The following CSNK1G3 variants were observed in gnomAD, a reference collection of about 807,000 sequenced individuals.
CSNK1G3 encodes the protein casein kinase I isoform gamma-3.
In CSNK1G3, 23 loss-of-function variants were observed where a neutral mutation model predicts 64.3. That is an observed-to-expected ratio of 0.36 (90% CI 0.26 to 0.51). CSNK1G3 has a LOEUF of 0.51. CSNK1G3 is among the 20% of genes least tolerant of loss of function. The pLI is 0.96. For missense variants in CSNK1G3, 357 were observed against 510.5 expected, an observed-to-expected ratio of 0.70 and a Z score of 2.90; for synonymous variants, 158 against 162.2, an observed-to-expected ratio of 0.97 and a Z score of 0.20.
intron 1 of CSNK1G3, among the ~76,000 whole-genome samples, chr5:123,526,217 T>A (rs566024993): frequency 7.3e-5 from 11 of 151,688 alleles, no homozygotes; most frequent in East Asian, 5.8e-4. Context: ...TAATTTAATT[T>A]ATTTATTATT....
chr5:123,611,621 T>A (rs978188559), intron 12 of CSNK1G3, among the ~76,000 whole-genome samples: 1 of 152,226 alleles, frequency 6.6e-6, no homozygotes, highest in Non-Finnish European at 1.5e-5. Context: ...GACTTTGTCT[T>A]GTTCATCAAA....
At chr5:123,578,328 G>A (rs1190990040) in intron 6 of CSNK1G3, among the ~76,000 whole-genome samples, 1 of 151,764 alleles carries the variant, frequency 6.6e-6, no homozygotes, top group Non-Finnish European at 1.5e-5. Context: ...AACATTTAGA[G>A]TTGTCAGTCT....
At chr5:123,580,973 T>C (rs1790127467) in intron 6 of CSNK1G3, among the ~76,000 whole-genome samples, 1 of 151,918 alleles carries the variant, frequency 6.6e-6, no homozygotes, top group African/African-American at 2.4e-5. Flanking sequence ...CACAGAATTA[T>C]GGTGTTCCAA....
At chr5:123,590,857 C>G (rs1792207048) in intron 9 of CSNK1G3, among the ~76,000 whole-genome samples, 1 of 151,934 alleles carries the variant, frequency 6.6e-6, no homozygotes, top group Admixed American at 6.6e-5. Flanking sequence ...TAATTTAATA[C>G]TTCAATCCCT....
intron 12 of CSNK1G3, among the ~76,000 whole-genome samples, chr5:123,608,617 G>T (rs1191833771): frequency 6.6e-6 from 1 of 152,010 alleles, no homozygotes; most frequent in East Asian, 1.9e-4. Flanking sequence ...GATTATTAAG[G>T]TATGTCAAAG....
chr5:123,549,007 T>G (rs1374688662), intron 2 of CSNK1G3, among the ~76,000 whole-genome samples: 1 of 152,262 alleles, frequency 6.6e-6, no homozygotes, highest in Admixed American at 6.5e-5. Flanking sequence ...CATAGAGAGA[T>G]AGTATCATAC....
intron 1 of CSNK1G3, among the ~76,000 whole-genome samples, chr5:123,515,071 T>C (rs1776908999): frequency 6.6e-6 from 1 of 152,224 alleles, no homozygotes; most frequent in African/African-American, 2.4e-5. Context: ...TTTCGTTAAA[T>C]TTCTTTATTT....
chr5:123,590,430 C>T (rs868190621), exon 9 of CSNK1G3: 14 of 1,471,070 alleles, frequency 9.5e-6, no homozygotes, highest in East Asian at 5.1e-5. Flanking sequence ...AACATATCTT[C>T]GTTATGTAAG....
Position 123,609,823 on chromosome 5 carries a change from T to G in CSNK1G3, c.1217+4461T>G, listed in dbSNP as rs186160255. Among the ~76,000 whole-genome samples, 21 of 152,266 alleles carry G rather than the reference T, an allele frequency of 1.4e-4. 1 individual carries two copies. The highest frequency in any genetic ancestry group is 4.8e-4 in the African/African-American group (20 of 41,550). ...GACTAAGAGGAGGGTGGAAATAGGT[T>G]GGGAACAAAATTCTTGAAGAGCTCT... On this transcript the variant is annotated intron_variant, in intron 12 of 12. Transcript: ENST00000345990.
At chr5:123,604,268 C>A (rs1469702630) in intron 10 of CSNK1G3, among the ~76,000 whole-genome samples, 2 of 151,966 alleles carry the variant, frequency 1.3e-5, no homozygotes, top group Non-Finnish European at 2.9e-5. Context: ...TTTAAATGGG[C>A]AGTTTGAAAT....
chr5:123,530,454 G>A (rs1779744527), intron 1 of CSNK1G3, among the ~76,000 whole-genome samples: 1 of 152,076 alleles, frequency 6.6e-6, no homozygotes, highest in African/African-American at 2.4e-5. Context: ...AATGCTTTTT[G>A]ATTACTGACC....
intron 1 of CSNK1G3, among the ~76,000 whole-genome samples, chr5:123,521,515 T>C (rs1400374367): frequency 6.6e-6 from 1 of 152,222 alleles, no homozygotes; most frequent in African/African-American, 2.4e-5. Flanking sequence ...TGCTTATTAT[T>C]GTATGCTTTG....
chr5:123,569,433 A>G (rs1466874177), intron 4 of CSNK1G3, among the ~76,000 whole-genome samples: 3 of 152,226 alleles, frequency 2.0e-5, no homozygotes, highest in South Asian at 2.1e-4. Context: ...CTATTCTCAT[A>G]CATTAAAATC....
intron 12 of CSNK1G3, among the ~76,000 whole-genome samples, chr5:123,606,283 C>A (rs1267909550): frequency 6.6e-6 from 1 of 151,960 alleles, no homozygotes; most frequent in Non-Finnish European, 1.5e-5. Flanking sequence ...TTTTTATGAA[C>A]TACAGAAATA....
At chr5:123,564,930 TGC>T (rs1786534534) in intron 4 of CSNK1G3, among the ~76,000 whole-genome samples, 1 of 152,214 alleles carries the variant, frequency 6.6e-6, no homozygotes, top group African/African-American at 2.4e-5. Flanking sequence ...GATTCTTTTA[TGC>T]TCTTACCCTT....
intron 6 of CSNK1G3, among the ~76,000 whole-genome samples, 183 bp downstream of exon 6, chr5:123,576,146 AC>A (rs1789118334): frequency 6.6e-6 from 1 of 152,196 alleles, no homozygotes; most frequent in Non-Finnish European, 1.5e-5. Context: ...AAAGTAAGTT[AC>A]TATAGAGTAA....
chr5:123,545,607 T>C (rs1782393773), exon 2 of CSNK1G3: 2 of 1,436,440 alleles, frequency 1.4e-6, no homozygotes, highest in East Asian at 4.7e-5. Context: ...CACAATACCC[T>C]GTTTCAGTGT....
chr5:123,616,097 A>G (rs1749404132), exon 13 of CSNK1G3: 1 of 152,182 alleles, frequency 6.6e-6, no homozygotes, highest in African/African-American at 2.4e-5. Flanking sequence ...TTTTTATTTT[A>G]AAGACCTACA....
intron 5 of CSNK1G3, among the ~76,000 whole-genome samples, chr5:123,574,520 A>G (rs1300363203): frequency 3.3e-5 from 5 of 152,192 alleles, no homozygotes. Flanking sequence ...AAAAGTGCAT[A>G]TTAAAGATTG....
Sources: allele counts gnomAD v4.1 joint callset (sites outside exome capture counted in the v4.1 genomes callset), GRCh38; gene constraint gnomAD v4.1.1; transcripts MANE v1.5; gene names NCBI Gene and HGNC (gene_info 2026-07-23, HGNC 2026-07-21).